SLC35F4: variants seen among roughly 807,000 people sequenced by gnomAD.
SLC35F4 encodes the protein chromosome 14 open reading frame 36.
Under a neutral mutation model 44.2 loss-of-function variants are expected in SLC35F4, and 24 were observed. The observed-to-expected ratio is 0.54, with a 90% CI of 0.39 to 0.76. The LOEUF (loss-of-function observed/expected upper bound fraction) is 0.76, where lower values mean the gene tolerates loss of function less well. SLC35F4 is among the 30% of genes least tolerant of loss of function. The pLI, the probability that SLC35F4 is intolerant of heterozygous loss-of-function variation, is 0.00. For synonymous variants in SLC35F4, 238 were observed against 223.6 expected, an observed-to-expected ratio of 1.06 and a Z score of -0.57; for missense variants, 562 against 586.1, an observed-to-expected ratio of 0.96 and a Z score of 0.42.
intron 1 of SLC35F4, among the ~76,000 whole-genome samples, chr14:57,617,461 AT>A (rs1285359139): frequency 1.3e-5 from 2 of 152,146 alleles, no homozygotes; most frequent in Non-Finnish European, 2.9e-5. Flanking sequence ...AGAAAAAAAA[AT>A]GACAGAGCTT....
chr14:57,723,487 T>C (rs1455828756), intron 1 of SLC35F4, among the ~76,000 whole-genome samples: 2 of 152,248 alleles, frequency 1.3e-5, no homozygotes, highest in Non-Finnish European at 2.9e-5. Context: ...AGAAGACAGA[T>C]GGATCTTGGA....
At chr14:57,760,296 C>G (rs1053969897) in intron 1 of SLC35F4, among the ~76,000 whole-genome samples, 2 of 151,944 alleles carry the variant, frequency 1.3e-5, no homozygotes, top group Non-Finnish European at 2.9e-5. Flanking sequence ...TTATTTTTTC[C>G]CCATGTGTAA....
At chr14:57,881,610 A>C (rs904778340) in intron 1 of SLC35F4, among the ~76,000 whole-genome samples, 2 of 152,192 alleles carry the variant, frequency 1.3e-5, no homozygotes, top group Non-Finnish European at 2.9e-5. Flanking sequence ...CAATAGAGTG[A>C]CTGTTAAACA....
intron 3 of SLC35F4, among the ~76,000 whole-genome samples, chr14:57,584,155 T>C (rs1003581378): frequency 8.5e-5 from 13 of 152,152 alleles, no homozygotes; most frequent in Non-Finnish European, 1.5e-4. Flanking sequence ...TTGTTAATAA[T>C]ATGGTATATA....
chr14:57,786,780 A>G (rs1029314535), intron 1 of SLC35F4, among the ~76,000 whole-genome samples: 10 of 152,104 alleles, frequency 6.6e-5, no homozygotes, highest in African/African-American at 2.4e-4. Flanking sequence ...TCAGCCCTAG[A>G]CCTTCCCTCT....
intron 1 of SLC35F4, among the ~76,000 whole-genome samples, chr14:57,855,373 G>T (rs1798676175): frequency 6.6e-6 from 1 of 152,088 alleles, no homozygotes; most frequent in Non-Finnish European, 1.5e-5. Context: ...CAAAAAGTGG[G>T]CAAAGAATAT....
chr14:57,656,161 C>T (rs949969255), intron 1 of SLC35F4, among the ~76,000 whole-genome samples: 1 of 152,032 alleles, frequency 6.6e-6, no homozygotes. Flanking sequence ...CTACTACTCC[C>T]CTTCCTATCT....
intron 1 of SLC35F4, among the ~76,000 whole-genome samples, chr14:57,702,736 G>C (rs993894520): frequency 6.6e-6 from 1 of 152,152 alleles, no homozygotes; most frequent in Admixed American, 6.6e-5. Flanking sequence ...TTTCCAAAGT[G>C]CTTTTCCATT....
intron 1 of SLC35F4, among the ~76,000 whole-genome samples, chr14:57,726,658 TA>T (rs2076211370): frequency 6.6e-6 from 1 of 152,166 alleles, no homozygotes; most frequent in Admixed American, 6.5e-5. Flanking sequence ...GTGACCTTAT[TA>T]TTGTCTTTAT....
intron 1 of SLC35F4, among the ~76,000 whole-genome samples, chr14:57,801,057 C>T (rs2078181075): frequency 6.6e-6 from 1 of 152,086 alleles, no homozygotes; most frequent in South Asian, 2.1e-4. Flanking sequence ...AACCCCAAGA[C>T]ACATAATCAT....
At chr14:57,614,318 G>C (rs1425234174) in intron 1 of SLC35F4, among the ~76,000 whole-genome samples, 1 of 152,184 alleles carries the variant, frequency 6.6e-6, no homozygotes, top group Non-Finnish European at 1.5e-5. Context: ...TACTGGAGGG[G>C]ATCTTCAGGG....
At chr14:57,678,789 G>A (rs947881381) in intron 1 of SLC35F4, among the ~76,000 whole-genome samples, 22 of 152,006 alleles carry the variant, frequency 1.4e-4, no homozygotes, top group East Asian at 9.7e-4. Context: ...AGGGCATTAC[G>A]TAATGGTAAA....
chr14:57,889,099 G>A (rs975388008), intron 1 of SLC35F4, among the ~76,000 whole-genome samples: 1 of 152,106 alleles, frequency 6.6e-6, no homozygotes, highest in African/African-American at 2.4e-5. Flanking sequence ...TGTCAAACTA[G>A]ACCAAACTGA....
At chr14:57,843,328 C>T (rs764511904) in intron 1 of SLC35F4, among the ~76,000 whole-genome samples, 1 of 152,110 alleles carries the variant, frequency 6.6e-6, no homozygotes, top group Non-Finnish European at 1.5e-5. Context: ...TGCCAGGATC[C>T]TGACTGAATA....
chr14:57,907,455 A>G (rs1461660368), intron 1 of SLC35F4, among the ~76,000 whole-genome samples: 1 of 152,212 alleles, frequency 6.6e-6, no homozygotes, highest in Non-Finnish European at 1.5e-5. Flanking sequence ...TTCAGTTGCC[A>G]GGAAAACAGA....
At chr14:57,670,696 AGTTT>A (rs2074486491) in intron 1 of SLC35F4, among the ~76,000 whole-genome samples, 1 of 151,892 alleles carries the variant, frequency 6.6e-6, no homozygotes, top group Non-Finnish European at 1.5e-5. Context: ...TCTGAGAGAC[AGTTT>A]GTTATAATTT....
In SLC35F4 at chr14:57,774,137, T is replaced by A. The variant is rs58296540; in HGVS notation, c.103+91586A>T. ...GGGGACATAGGGATGACTGGCAGGC[T>A]ACTAGCAGATCTTTAGAGGGAAGGC... On this transcript the variant is annotated intron_variant, in intron 1 of 7. Coordinates refer to ENST00000556826, the MANE Select transcript of SLC35F4 (RefSeq NM_001306087.2). Among the ~76,000 whole-genome samples the A allele has an allele frequency of 0.013, 2,041 of 152,134 alleles. 246 individuals are homozygous for A. The East Asian group carries it at 0.31, about 23-fold the overall frequency.
rs1013427266 is a variant in SLC35F4 at position 57,668,407 on chromosome 14, TG to T, written c.104-74284del. Among the ~76,000 whole-genome samples the T allele has an allele frequency of 1.5e-3, 225 of 152,140 alleles. 1 individual carries two copies. Among genetic ancestry groups the T allele is most frequent in the Admixed American group, 5.8e-3 (88 of 15,286 alleles). On this transcript the variant is annotated intron_variant, in intron 1 of 7. Coordinates refer to ENST00000556826, the MANE Select transcript of SLC35F4 (RefSeq NM_001306087.2). ...GTTTTAGACATGAAGTCCTTGCCCATGCCTATGTCCTGAATGGTATTGCCTG... is the reference window on the plus strand; with the variant it reads ...GTTTTAGACATGAAGTCCTTGCCCATCCTATGTCCTGAATGGTATTGCCTG...
At chr14:57,630,794 A>T in intron 1 of SLC35F4, 1 of 544,428 alleles carries the variant, frequency 1.8e-6, no homozygotes, top group South Asian at 2.7e-5. Context: ...TTAAAAAGAC[A>T]CTTGTTAGTT....
Sources: allele counts gnomAD v4.1 joint callset (sites outside exome capture counted in the v4.1 genomes callset), GRCh38; gene constraint gnomAD v4.1.1; transcripts MANE v1.5; gene names NCBI Gene and HGNC (gene_info 2026-07-23, HGNC 2026-07-21).